NFAM1: variants seen among roughly 807,000 people sequenced by gnomAD.
NFAM1 encodes NFAT activating protein with ITAM motif 1.
Under a neutral mutation model 29.0 loss-of-function variants are expected in NFAM1, and 17 were observed. That is an observed-to-expected ratio of 0.59 (90% CI 0.40 to 0.88). The LOEUF (loss-of-function observed/expected upper bound fraction) is 0.88, where lower values mean the gene tolerates loss of function less well. Among genes scored for constraint, NFAM1 ranks in the 40% least tolerant of loss-of-function variants. The probability of loss-of-function intolerance (pLI) is 0.00; values close to 1 mark genes in which losing one functional copy is unlikely to be tolerated. For missense variants in NFAM1, 324 were observed against 344.6 expected (o/e 0.94, Z 0.47); for synonymous variants, 175 against 147.2 (o/e 1.19, Z -1.36).
chr22:42,383,165 A>C lies in NFAM1; in HGVS notation c.*1996T>G, dbSNP rs752834232. ...CCTGTCTACCCCTGAAAAAGACTGG[A>C]AAATGCTGAGTCCCAGCCAAGGGTC... On this transcript the variant is annotated 3_prime_UTR_variant, in exon 6 of 6. Coordinates refer to ENST00000329021, the MANE Select transcript of NFAM1 (RefSeq NM_145912.8). 2.0e-5 allele frequency: 3 copies of C among 152,584 alleles called. No homozygotes were observed. Among genetic ancestry groups the C allele is most frequent in the Non-Finnish European group, 4.4e-5 (3 of 68,346 alleles). 9.5% of individuals were successfully genotyped at this position (152,584 alleles called of 1,614,324 possible). A position where few individuals can be genotyped will look rare whatever the true frequency, so the allele number is the denominator to read the frequency against.
chr22:42,414,327 G>T (rs1930189115), intron 1 of NFAM1, among the ~76,000 whole-genome samples: 1 of 152,116 alleles, frequency 6.6e-6, no homozygotes, highest in African/African-American at 2.4e-5. Flanking sequence ...GCTGTTTAAT[G>T]ATAACATTAC....
chr22:42,414,556 A>G (rs958488940), intron 1 of NFAM1, among the ~76,000 whole-genome samples: 1 of 151,030 alleles, frequency 6.6e-6, no homozygotes, highest in East Asian at 1.9e-4. Context: ...CTGGGCATCA[A>G]ATTTTTTTTT....
chr22:42,396,420 G>A (rs1386098429), intron 4 of NFAM1, among the ~76,000 whole-genome samples: 2 of 152,102 alleles, frequency 1.3e-5, no homozygotes, highest in Non-Finnish European at 2.9e-5. Context: ...AAATATATTA[G>A]TCAATGTTCT....
At chr22:42,401,818 T>C (rs779955861) in intron 3 of NFAM1, among the ~76,000 whole-genome samples, 33 of 152,266 alleles carry the variant, frequency 2.2e-4, no homozygotes, top group Middle Eastern at 6.8e-3. Flanking sequence ...CCAGGGGTGC[T>C]GCCATCAGCA....
At position 42,401,026 on chromosome 22, in the gene NFAM1, G is replaced by A. The variant is rs533389835; in HGVS notation, c.565-3070C>T. Among the ~76,000 whole-genome samples the A allele has an allele frequency of 2.1e-4, 32 of 152,304 alleles. No homozygotes were observed. The East Asian group carries it at 6.2e-3, about 29-fold the overall frequency. On this transcript the variant is annotated intron_variant, in intron 3 of 5. Transcript: ENST00000329021. ...CTCCTACGCGCTGGGCCTGGGCTGG[G>A]CATGGAAGACCCTGTGGTGAACAAG...
chr22:42,407,391 T>G (rs1289631465), intron 3 of NFAM1, among the ~76,000 whole-genome samples: 1 of 151,576 alleles, frequency 6.6e-6, no homozygotes, highest in African/African-American at 2.4e-5. Flanking sequence ...CTTTTATTTA[T>G]TTTTCTTGAG....
At position 42,383,745 on chromosome 22, in the gene NFAM1, GT is replaced by G. The variant is rs796650228; in HGVS notation, c.*1415del. The stretch of plus-strand genomic sequence containing the variant: ...GGCAGGGGCGGGGCCTGTGCCTTGG[GT>G]TCCCCCCCCTCCCTGGGCACATTTG... On this transcript the variant is annotated 3_prime_UTR_variant, in exon 6 of 6. Transcript: ENST00000329021. 1 of 152,698 alleles carries G rather than the reference GT, an allele frequency of 6.5e-6. No homozygotes were observed. The highest frequency in any genetic ancestry group is 6.5e-5 in the Admixed American group (1 of 15,286). The allele number at this position is 152,698 out of a possible 1,614,324, so 9.5% of individuals were successfully genotyped here. A position where few individuals can be genotyped will look rare whatever the true frequency, so the allele number is the denominator to read the frequency against.
chr22:42,424,843 T>G (rs1039640598), intron 1 of NFAM1, among the ~76,000 whole-genome samples: 12 of 152,116 alleles, frequency 7.9e-5, no homozygotes, highest in Non-Finnish European at 1.6e-4. Context: ...GAAAGTGACA[T>G]GATCATCTTC....
Position 42,397,839 on chromosome 22 carries a change from C to T in NFAM1, c.663+19G>A, listed in dbSNP as rs35151068. On this transcript the variant is annotated intron_variant, in intron 4 of 5. Transcript: ENST00000329021. ...AAGGCCTGAAAGAGGTGGAGGGAGC[C>T]GGGGGCCCCGGGACTCACTGTGTAG... The T allele has an allele frequency of 0.15, 231,130 of 1,512,274 alleles. 18,913 individuals are homozygous for T. The highest frequency in any genetic ancestry group is 0.21 in the African/African-American group (15,130 of 72,758). 93.7% of individuals were successfully genotyped at this position (1,512,274 alleles called of 1,614,324 possible).
chr22:42,405,207 G>C (rs1231769042), intron 3 of NFAM1, among the ~76,000 whole-genome samples: 1 of 152,202 alleles, frequency 6.6e-6, no homozygotes, highest in Non-Finnish European at 1.5e-5. Flanking sequence ...TCCCATCTTT[G>C]TAGGGCAGGA....
chr22:42,410,637 T>C (rs74714944), intron 2 of NFAM1: 4,329 of 173,440 alleles, frequency 0.025, 209 homozygotes, highest in African/African-American at 0.11. Flanking sequence ...TCAGCCTGGG[T>C]GACAGAGCGA....
intron 4 of NFAM1, among the ~76,000 whole-genome samples, chr22:42,390,946 C>A (rs774915341): frequency 6.6e-6 from 1 of 152,176 alleles, no homozygotes; most frequent in Non-Finnish European, 1.5e-5. Context: ...GGAACCTCTG[C>A]AGGACCGTGG....
Position 42,409,896 on chromosome 22 carries a change from A to C in NFAM1, c.452-349T>G, listed in dbSNP as rs574922963. On this transcript the variant is annotated intron_variant, in intron 2 of 5. Coordinates refer to ENST00000329021, the MANE Select transcript of NFAM1 (RefSeq NM_145912.8). The surrounding 1 kb of genome is among the most constrained non-coding windows in gnomAD (Gnocchi z 4.9). The stretch of plus-strand genomic sequence containing the variant: ...TGTGAGGTGGTGATAATACGGGTGG[A>C]TGTGGCTAGGGCTGAAGGAGGCGGA... Among the ~76,000 whole-genome samples, 1 of 152,136 alleles carries C rather than the reference A, an allele frequency of 6.6e-6. No individual in the cohort carries two copies. The highest frequency in any genetic ancestry group is 2.1e-4 in the South Asian group (1 of 4,820).
At chr22:42,425,563 C>T (rs1463644724) in intron 1 of NFAM1, among the ~76,000 whole-genome samples, 3 of 152,186 alleles carry the variant, frequency 2.0e-5, no homozygotes, top group Non-Finnish European at 4.4e-5. Context: ...TCCTTCCCTC[C>T]CTGTCTGCCG....
intron 5 of NFAM1, among the ~76,000 whole-genome samples, chr22:42,385,882 G>A (rs766146649): frequency 1.1e-4 from 17 of 152,198 alleles, no homozygotes; most frequent in Non-Finnish European, 2.2e-4. Context: ...AAGGCCAAGT[G>A]CCAGGCGCCC....
intron 2 of NFAM1, chr22:42,410,575 C>T: frequency 3.8e-6 from 1 of 261,058 alleles, no homozygotes; most frequent in Non-Finnish European, 8.0e-6. Flanking sequence ...ATGAGAATCG[C>T]TTGAACCCAG....
rs188159788 is a variant in NFAM1 at position 42,394,377 on chromosome 22, T to A, written c.663+3481A>T. Among the ~76,000 whole-genome samples, 471 of 151,996 alleles carry A rather than the reference T, an allele frequency of 3.1e-3. 5 individuals are homozygous for A. The highest frequency in any genetic ancestry group is 0.011 in the African/African-American group (437 of 41,446). ...TGATCCTTATTAATTTAAAAAAAAA[T>A]TTTAATGGGGTCTTGCTATGTTGCC... On this transcript the variant is annotated intron_variant, in intron 4 of 5. Transcript: ENST00000329021.
chr22:42,423,413 C>T (rs1033592116), intron 1 of NFAM1, among the ~76,000 whole-genome samples: 7 of 152,230 alleles, frequency 4.6e-5, no homozygotes, highest in African/African-American at 1.7e-4. Flanking sequence ...ACCCCTACCA[C>T]CTCCCAGTAA....
chr22:42,417,104 C>T (rs765197988), intron 1 of NFAM1, among the ~76,000 whole-genome samples: 7 of 152,152 alleles, frequency 4.6e-5, no homozygotes, highest in South Asian at 2.1e-4. Flanking sequence ...CCAGGTTGAC[C>T]GGTGGGGACG....
Sources: gnomAD v4.1 joint callset for allele counts (sites outside exome capture counted in the v4.1 genomes callset) on GRCh38, gnomAD v4.1.1 for gene constraint, Gnocchi (gnomAD v3.1) non-coding constraint, MANE v1.5 for transcripts, NCBI Gene and HGNC (gene_info 2026-07-23, HGNC 2026-07-21) for gene names.